The following MROH2A variants were observed in gnomAD, a reference collection of about 807,000 sequenced individuals.
MROH2A encodes the protein maestro heat like repeat family member 2A.
In MROH2A, 174 loss-of-function variants were observed where a neutral mutation model predicts 200.4. That is an observed-to-expected ratio of 0.87 (90% CI 0.77 to 0.98). The LOEUF (loss-of-function observed/expected upper bound fraction) is 0.98, where lower values mean the gene tolerates loss of function less well. Among genes scored for constraint, MROH2A ranks in the 50% least tolerant of loss-of-function variants. The probability of loss-of-function intolerance (pLI) is 0.00; values close to 1 mark genes in which losing one functional copy is unlikely to be tolerated. For synonymous variants in MROH2A, 829 were observed against 840.4 expected (o/e 0.99, Z 0.23); for missense variants, 2,045 against 2,139.6 (o/e 0.96, Z 0.87).
At chr2:233,795,470 G>C in intron 8 of MROH2A, 183 bp from the exon 9 acceptor site, 2 of 940,800 alleles carry the variant, frequency 2.1e-6, no homozygotes, top group East Asian at 2.7e-5. Flanking sequence ...CAACCTGGGG[G>C]CTGGGTGAAA....
chr2:233,817,764 C>T (rs966117625), intron 27 of MROH2A, among the ~76,000 whole-genome samples: 10 of 152,214 alleles, frequency 6.6e-5, no homozygotes, highest in African/African-American at 2.2e-4. Context: ...AGAGCTGAGT[C>T]AGAGGGAGTC....
chr2:233,806,009 C>G (rs1702770085), intron 19 of MROH2A, among the ~76,000 whole-genome samples: 1 of 152,028 alleles, frequency 6.6e-6, no homozygotes, highest in Non-Finnish European at 1.5e-5. Context: ...TTAGGCAAAG[C>G]CTTCTTAGAG....
chr2:233,795,568 C>G, intron 8 of MROH2A, 85 bp from the exon 9 acceptor site: 1 of 1,543,984 alleles, frequency 6.5e-7, no homozygotes, highest in Non-Finnish European at 8.8e-7. Flanking sequence ...CTCAGTGGGT[C>G]AGTGGGCCCC....
At chr2:233,812,663 A>G (rs967062128) in intron 24 of MROH2A, among the ~76,000 whole-genome samples, 4 of 152,234 alleles carry the variant, frequency 2.6e-5, no homozygotes, top group African/African-American at 9.6e-5. Context: ...GGACTTAGAG[A>G]TAAGACAGAC....
intron 5 of MROH2A, among the ~76,000 whole-genome samples, chr2:233,790,938 C>T (rs1701720901): frequency 1.3e-5 from 2 of 152,190 alleles, no homozygotes; most frequent in South Asian, 2.1e-4. Context: ...CTCATCTCTG[C>T]AGCCCTTGTT....
rs1319654711 is a variant in MROH2A, at chr2:233,791,511, A to G, written c.572-1285A>G. The stretch of plus-strand genomic sequence containing the variant: ...GTGGGAGCCCCCAGGGGAGAGGTGA[A>G]GGGGGCAGTTGATTTGTGGCGCGGA... On this transcript the variant is annotated intron_variant, in intron 5 of 41. Transcript: ENST00000389758. Among the ~76,000 whole-genome samples the G allele has an allele frequency of 4.6e-5, 7 of 151,808 alleles. No homozygotes were observed. In the South Asian group the frequency reaches 1.5e-3, roughly 32 times the overall value.
At chr2:233,796,582 AT>A (rs1441582349) in intron 11 of MROH2A, among the ~76,000 whole-genome samples, 1 of 152,040 alleles carries the variant, frequency 6.6e-6, no homozygotes, top group African/African-American at 2.4e-5. Context: ...CAGAGGCTGG[AT>A]ATAAGGCCAA....
At position 233,818,037 on chromosome 2, in the gene MROH2A, C is replaced by A. The variant is rs1473308024; in HGVS notation, c.2997C>A (p.Val999=). 1.3e-6 allele frequency: 2 copies of A among 1,550,988 alleles called. No individual in the cohort carries two copies. Among genetic ancestry groups the A allele is most frequent in the East Asian group, 2.4e-5 (1 of 40,920 alleles). ...HLKLGQFGTM[V]GLIAPCTCDA... is the part of the protein sequence containing the mutation. ...AGCTGGGGCAGTTTGGCACAATGGTCGGACTCATTGCCCCGTGCACCTGTG... is the reference window on the plus strand; with the variant it reads ...AGCTGGGGCAGTTTGGCACAATGGTAGGACTCATTGCCCCGTGCACCTGTG... The change falls in exon 28 of 42, where the codon GTC becomes GTA. Residue 999 remains valine, a synonymous_variant. Transcript: ENST00000389758.
intron 31 of MROH2A, among the ~76,000 whole-genome samples, chr2:233,821,354 A>G (rs1703924489): frequency 6.6e-6 from 1 of 151,110 alleles, no homozygotes; most frequent in Admixed American, 6.6e-5. Context: ...TGATGAGTGC[A>G]CTCTGCCCCC....
chr2:233,830,404 T>C (rs1704645382), intron 38 of MROH2A, among the ~76,000 whole-genome samples: 1 of 152,016 alleles, frequency 6.6e-6, no homozygotes, highest in Non-Finnish European at 1.5e-5. Context: ...GGTCAGGAAG[T>C]GGGGAGGTGG....
intron 26 of MROH2A, among the ~76,000 whole-genome samples, chr2:233,814,904 T>A (rs972019682): frequency 6.6e-6 from 1 of 152,284 alleles, no homozygotes; most frequent in African/African-American, 2.4e-5. Context: ...TCGGTTTTCT[T>A]CTGCCTCTGT....
rs764345306 is a variant in MROH2A, at chr2:233,802,290, C to T, written c.1683C>T (p.Val561=). The T allele has an allele frequency of 3.2e-6, 5 of 1,550,232 alleles. No individual in the cohort carries two copies. The South Asian group carries it at 6.0e-5, about 18-fold the overall frequency. The change falls in exon 15 of 42, where the codon GTC becomes GTT. Residue 561 remains valine (V), a synonymous_variant. Transcript: ENST00000389758. ...AGCTCCATGGCCAGGATGTGGATGT[C>T]AGCGTGGCTGGCAAGAGCAGGCAAG... ...EHQLHGQDVD[V]SVAGKSRQVD...
chr2:233,788,243 A>C (rs557961405), intron 3 of MROH2A, among the ~76,000 whole-genome samples: 1 of 112,684 alleles, frequency 8.9e-6, no homozygotes, highest in Non-Finnish European at 1.7e-5. Flanking sequence ...ATTAGGAAAA[A>C]AGTCTAAATG....
chr2:233,802,349 G>A, intron 15 of MROH2A, 34 bp downstream of exon 15: 2 of 1,529,484 alleles, frequency 1.3e-6, no homozygotes, highest in East Asian at 2.5e-5. Flanking sequence ...GATTGGATTG[G>A]GCAGGTGGGC....
Position 233,795,651 on chromosome 2 carries a change from A to C in MROH2A, c.967-2A>C. On this transcript the variant is annotated splice_acceptor_variant, in intron 8 of 41. Transcript: ENST00000389758. LOFTEE classifies it high-confidence loss of function. ...CTGCCACCATTTGCCAATCCACTGCAGGTCTTGAGGCAGATCCTGGAACTG... is the reference window on the plus strand; with the variant it reads ...CTGCCACCATTTGCCAATCCACTGCCGGTCTTGAGGCAGATCCTGGAACTG... 1 of 1,551,020 alleles carries C rather than the reference A, an allele frequency of 6.4e-7. No individual in the cohort carries two copies. The highest frequency in any genetic ancestry group is 1.2e-5 in the South Asian group (1 of 84,060).
At position 233,794,452 on chromosome 2, in the gene MROH2A, C is replaced by T. The variant is rs745713393; in HGVS notation, c.912C>T (p.Ile304=). 8 of 1,550,384 alleles carry T rather than the reference C, an allele frequency of 5.2e-6. No individual in the cohort carries two copies. In the South Asian group the frequency reaches 9.5e-5, roughly 18 times the overall value. ...TGCGGGAGCAGGTCTACGACTACAT[C>T]CCCCTGCTGCTGGCGGAGTACCAGG... ...DDLREQVYDY[I]PLLLAEYQGS... The change falls in exon 8 of 42, where the codon ATC becomes ATT. Residue 304 remains isoleucine, a synonymous_variant. Coordinates refer to ENST00000389758, the MANE Select transcript of MROH2A (RefSeq NM_001394639.1).
At chr2:233,830,026 G>A (rs1454273166) in intron 38 of MROH2A, among the ~76,000 whole-genome samples, 3 of 152,084 alleles carry the variant, frequency 2.0e-5, no homozygotes, top group African/African-American at 4.8e-5. Context: ...GGGGGACATG[G>A]TGTGGTGGCT....
At chr2:233,829,182 G>A (rs1461192119) in intron 37 of MROH2A, 110 bp downstream of exon 37, 3 of 1,088,928 alleles carry the variant, frequency 2.8e-6, no homozygotes, top group Non-Finnish European at 3.9e-6. Context: ...CTCCTGCTGG[G>A]TGTCAGTTTA....
At chr2:233,804,305 G>A (rs928533847) in intron 17 of MROH2A, 113 bp downstream of exon 17, 4 of 1,457,848 alleles carry the variant, frequency 2.7e-6, no homozygotes, top group Non-Finnish European at 3.7e-6. Flanking sequence ...GACCCACACA[G>A]CCAGCCCACT....
Sources: gnomAD v4.1 joint callset for allele counts (sites outside exome capture counted in the v4.1 genomes callset) on GRCh38, gnomAD v4.1.1 for gene constraint, MANE v1.5 for transcripts, NCBI Gene and HGNC (gene_info 2026-07-23, HGNC 2026-07-21) for gene names.